The following RIF1 variants were observed in gnomAD, a reference collection of about 807,000 sequenced individuals.
RIF1 encodes the protein replication timing regulatory factor 1.
Under a neutral mutation model 247.1 loss-of-function variants are expected in RIF1, and 45 were observed. The ratio of observed to expected loss-of-function variants is 0.18; its 90% CI spans 0.14 to 0.23. RIF1 has a LOEUF of 0.23. RIF1 is among the 10% of genes least tolerant of loss of function. The pLI is 1.00. For missense variants in RIF1, 2,967 were observed against 2,862.5 expected (o/e 1.04, Z -0.83); for synonymous variants, 1,087 against 978.8 (o/e 1.11, Z -2.06).
At chr2:151,509,459 C>T (rs192246661), downstream of RIF1, among the ~76,000 whole-genome samples, 34 of 152,126 alleles carry the variant, frequency 2.2e-4, no homozygotes, top group Middle Eastern at 0.014. Context: ...GGTGCTAATC[C>T]CTTAGAGGGA....
downstream of RIF1, among the ~76,000 whole-genome samples, chr2:151,487,143 C>A (rs187511621): frequency 6.6e-6 from 1 of 152,150 alleles, no homozygotes; most frequent in Admixed American, 6.5e-5. Flanking sequence ...TCGAAGAGGT[C>A]AGTCTTGTAT....
chr2:151,516,555 G>T, the RIF1 span: 2 of 1,604,554 alleles, frequency 1.2e-6, no homozygotes, highest in Non-Finnish European at 1.7e-6. Flanking sequence ...ACTTTTCTTT[G>T]TATTTCACCT....
At chr2:151,425,278 A>G (rs1688848005) in intron 8 of RIF1, among the ~76,000 whole-genome samples, 1 of 151,920 alleles carries the variant, frequency 6.6e-6, no homozygotes, top group South Asian at 2.1e-4. Context: ...AGTTCTTTAT[A>G]TGTTTTGGAT....
the RIF1 span, chr2:151,527,651 G>T: frequency 1.9e-6 from 2 of 1,078,518 alleles, no homozygotes; most frequent in Non-Finnish European, 2.8e-6. Context: ...CACACACATG[G>T]CACAGAGGGG....
In RIF1 at chr2:151,454,980, G is replaced by A. The variant is rs760709786; in HGVS notation, c.2430G>A (p.Val810=). The A allele has an allele frequency of 3.5e-5, 56 of 1,613,328 alleles. No homozygotes were observed. Among genetic ancestry groups the A allele is most frequent in the South Asian group, 6.6e-5 (6 of 91,044 alleles). Residue 810 remains valine (V), a synonymous_variant, in exon 22 of 36, where the codon GTG becomes GTA. Transcript: ENST00000444746. ...LTSLFKLIVK[V]IYSFHTLSFK... Reference sequence around the variant, plus strand: ...CTTTATTTAAACTTATTGTGAAAGTGATCTATTCTTTCCACACACTGAGCT... The same window carrying A: ...CTTTATTTAAACTTATTGTGAAAGTAATCTATTCTTTCCACACACTGAGCT...
At chr2:151,469,552 G>A (rs1284332718) in intron 33 of RIF1, among the ~76,000 whole-genome samples, 159 bp from the exon 34 acceptor site, 1 of 152,062 alleles carries the variant, frequency 6.6e-6, no homozygotes, top group African/African-American at 2.4e-5. Context: ...CATCAGATTC[G>A]AATTTTGTTT....
intron 6 of RIF1, 72 bp downstream of exon 6, chr2:151,416,973 A>T: frequency 8.5e-7 from 1 of 1,182,816 alleles, no homozygotes; most frequent in Non-Finnish European, 1.2e-6. Flanking sequence ...GGTTTTTGGG[A>T]TTTAAATGAG....
At chr2:151,419,766 C>A (rs972612379) in intron 6 of RIF1, among the ~76,000 whole-genome samples, 2 of 152,212 alleles carry the variant, frequency 1.3e-5, no homozygotes, top group African/African-American at 2.4e-5. Context: ...TGCAGTGTTA[C>A]AACAGCTATG....
intron 8 of RIF1, among the ~76,000 whole-genome samples, chr2:151,426,167 A>ATTTTTTTTTTT (rs1345679795): frequency 4.8e-5 from 4 of 83,822 alleles, no homozygotes; most frequent in African/African-American, 1.7e-4. Flanking sequence ...TTTGGCTTTT[A>ATTTTTTTTTTT]ATTTTTTTTT....
At position 151,440,190 on chromosome 2, in the gene RIF1, A is replaced by G. The variant is rs971997420; in HGVS notation, c.1647+63A>G. The G allele has an allele frequency of 2.9e-5, 26 of 895,800 alleles. No homozygotes were observed. The African/African-American group carries it at 4.1e-4, about 14-fold the overall frequency. 55.5% of individuals were successfully genotyped at this position (895,800 alleles called of 1,614,324 possible). On this transcript the variant is annotated intron_variant, in intron 15 of 35. Coordinates refer to ENST00000444746, the MANE Select transcript of RIF1 (RefSeq NM_018151.5). ...TTTTCTGAAGTTAAATTTTATATAG[A>G]AGATATTTGCACAAATCTAGTTTGG...
In RIF1 at chr2:151,489,159, T is replaced by G. The variant is rs918128394; in HGVS notation, c.*415+5824T>G. On this transcript the variant is annotated intron_variant and NMD_transcript_variant, in intron 9 of 13. Coordinates refer to the RIF1 transcript ENST00000454583. The stretch of plus-strand genomic sequence containing the variant: ...TCCTTAAATATAATAGGTCTAACAC[T>G]TATTTAGACCTTCTTGTATGTCATT... Among the ~76,000 whole-genome samples, 5 of 152,200 alleles carry G rather than the reference T, an allele frequency of 3.3e-5. No homozygotes were observed. The East Asian group carries it at 9.6e-4, about 29-fold the overall frequency.
At position 151,422,931 on chromosome 2, in the gene RIF1, T is replaced by G; in HGVS notation, c.694-19T>G. Reference sequence around the variant, plus strand: ...TTTTCTAAGAGTCTGTTTGGTAAATTAATTGCTTTTGTTTGCAGAAATTAA... The same window carrying G: ...TTTTCTAAGAGTCTGTTTGGTAAATGAATTGCTTTTGTTTGCAGAAATTAA... On this transcript the variant is annotated intron_variant, in intron 7 of 35. Coordinates refer to ENST00000444746, the MANE Select transcript of RIF1 (RefSeq NM_018151.5). 1 of 1,324,676 alleles carries G rather than the reference T, an allele frequency of 7.5e-7. No individual in the cohort carries two copies. The highest frequency in any genetic ancestry group is 1.1e-6 in the Non-Finnish European group (1 of 928,662). 82.1% of individuals were successfully genotyped at this position (1,324,676 alleles called of 1,614,324 possible).
At position 151,441,902 on chromosome 2, in the gene RIF1, T is replaced by C; in HGVS notation, c.1648-3T>C. 1.4e-6 allele frequency: 2 copies of C among 1,457,756 alleles called. No individual in the cohort carries two copies. Among genetic ancestry groups the C allele is most frequent in the Non-Finnish European group, 1.9e-6 (2 of 1,053,722 alleles). 90.3% of individuals were successfully genotyped at this position (1,457,756 alleles called of 1,614,324 possible). A position where few individuals can be genotyped will look rare whatever the true frequency, so the allele number is the denominator to read the frequency against. ...TTACTGTAAAACCTTTTATCTCTCATAGGTCCTCATGGAAATTACAATTAA... is the reference window on the plus strand; with the variant it reads ...TTACTGTAAAACCTTTTATCTCTCACAGGTCCTCATGGAAATTACAATTAA... On this transcript the variant is annotated splice_polypyrimidine_tract_variant and splice_region_variant and intron_variant, in intron 15 of 35. Transcript: ENST00000444746.
chr2:151,527,103 G>T, the RIF1 span: 2 of 894,702 alleles, frequency 2.2e-6, no homozygotes, highest in Non-Finnish European at 3.5e-6. Context: ...CACACAGGGA[G>T]TCCTCTTAAG....
intron 24 of RIF1, 35 bp from the exon 25 acceptor site, chr2:151,458,771 TACTTG>T: frequency 8.6e-7 from 1 of 1,167,390 alleles, no homozygotes; most frequent in South Asian, 1.3e-5. Flanking sequence ...TCACCAGTAC[TACTTG>T]ACTTAAGGTA....
chr2:151,419,300 G>A (rs1406013566), intron 6 of RIF1, among the ~76,000 whole-genome samples: 1 of 151,992 alleles, frequency 6.6e-6, no homozygotes, highest in African/African-American at 2.4e-5. Flanking sequence ...ACATAAACCA[G>A]TAACTTAGTC....
chr2:151,463,264 A>G lies in RIF1; in HGVS notation c.3744A>G (p.Thr1248=), dbSNP rs1444764328. 1.9e-6 allele frequency: 3 copies of G among 1,613,186 alleles called. No homozygotes were observed. The highest frequency in any genetic ancestry group is 4.5e-5 in the East Asian group (2 of 44,878). The change falls in exon 30 of 36, where the codon ACA becomes ACG. Residue 1248 remains threonine, a synonymous_variant. Transcript: ENST00000444746. ...TGAATAATATTTCATCAACTGTTACAGTGAAAAATAACCAGGAAACCATGA... is the reference window on the plus strand; with the variant it reads ...TGAATAATATTTCATCAACTGTTACGGTGAAAAATAACCAGGAAACCATGA... ...SPLNNISSTV[T]VKNNQETMIK...
chr2:151,496,981 T>C, intron 10 of RIF1: 1 of 1,581,850 alleles, frequency 6.3e-7, no homozygotes, highest in African/African-American at 1.3e-5. Context: ...TCTCTCCATC[T>C]CAGGAGTGAC....
chr2:151,428,902 A>G lies in RIF1; in HGVS notation c.905A>G (p.Asp302Gly), dbSNP rs996851559. ...IAFIAWKSLI[D>G]NFALNPDILC... ...TTTATTGCTTGGAAGAGTTTAATAG[A>G]TAATTTTGCTTTAAATCCAGGTAAG... Residue 302 changes from aspartate to glycine, a missense_variant, in exon 9 of 36, where the codon GAT becomes GGT. Asp to Gly is a moderately conservative substitution (Grantham distance 94). Transcript: ENST00000444746. The G allele has an allele frequency of 6.7e-7, 1 of 1,498,544 alleles. No individual in the cohort carries two copies. Among genetic ancestry groups the G allele is most frequent in the Non-Finnish European group, 9.3e-7 (1 of 1,078,500 alleles). 92.8% of individuals were successfully genotyped at this position (1,498,544 alleles called of 1,614,324 possible). A position where few individuals can be genotyped will look rare whatever the true frequency, so the allele number is the denominator to read the frequency against.
Sources: allele counts gnomAD v4.1 joint callset (sites outside exome capture counted in the v4.1 genomes callset), GRCh38; gene constraint gnomAD v4.1.1; transcripts MANE v1.5; gene names NCBI Gene and HGNC (gene_info 2026-07-23, HGNC 2026-07-21).